INPP1: variants seen among roughly 807,000 people sequenced by gnomAD.
INPP1 encodes inositol polyphosphate-1-phosphatase.
INPP1 carries 18 observed loss-of-function variants against 23.0 expected under a neutral mutation model. That is an observed-to-expected ratio of 0.78 (90% confidence interval 0.54 to 1.16). INPP1 has a LOEUF of 1.16. Ranked by LOEUF, INPP1 falls within the 50% of genes most tolerant of loss-of-function variation. INPP1 has a pLI of 0.00. For missense variants in INPP1, 448 were observed against 482.1 expected, an observed-to-expected ratio of 0.93 and a Z score of 0.66; for synonymous variants, 164 against 176.3, an observed-to-expected ratio of 0.93 and a Z score of 0.55.
In INPP1 at chr2:190,371,427, G is replaced by A. The variant is rs1371253630; in HGVS notation, c.*25G>A. 50 of 1,489,322 alleles carry A rather than the reference G, an allele frequency of 3.4e-5. No individual in the cohort carries two copies. Among genetic ancestry groups the A allele is most frequent in the Non-Finnish European group, 4.4e-5 (49 of 1,115,832 alleles). The allele number at this position is 1,489,322 out of a possible 1,614,324, so 92.3% of individuals were successfully genotyped here. On this transcript the variant is annotated 3_prime_UTR_variant, in exon 7 of 7. Coordinates refer to ENST00000392329, the MANE Select transcript of INPP1 (RefSeq NM_001128928.2). This position sits in a 1 kb window ranked among gnomAD's most constrained non-coding sequence, Gnocchi z 5.3. ...GAGGAACTCTAACCCCGGTGTACCTGTATAAACTGAACTGTGAAACTGTTT... is the reference window on the plus strand; with the variant it reads ...GAGGAACTCTAACCCCGGTGTACCTATATAAACTGAACTGTGAAACTGTTT...
rs1170110361 is a variant in INPP1 at position 190,368,220 on chromosome 2, T to C, written c.467-883T>C. ...GAATTGATTCTGTTTTTGAGCTCTT[T>C]GAGTCTTTTGCCAGGCACATCCTTA... On this transcript the variant is annotated intron_variant, in intron 5 of 6. Coordinates refer to ENST00000392329, the MANE Select transcript of INPP1 (RefSeq NM_001128928.2). The surrounding 1 kb of genome is among the most constrained non-coding windows in gnomAD (Gnocchi z 4.3). 6.6e-6 allele frequency among the ~76,000 whole-genome samples: 1 copy of C among 152,226 alleles called. No individual in the cohort carries two copies. Among genetic ancestry groups the C allele is most frequent in the Non-Finnish European group, 1.5e-5 (1 of 68,048 alleles).
At chr2:190,350,336 G>A (rs1470035055) in intron 2 of INPP1, among the ~76,000 whole-genome samples, 2 of 152,182 alleles carry the variant, frequency 1.3e-5, no homozygotes, top group Non-Finnish European at 2.9e-5. Context: ...AGTGGAACAA[G>A]GCTCCCTGTT....
At position 190,343,682 on chromosome 2, in the gene INPP1, G is replaced by C. The variant is rs973234484; in HGVS notation, c.-488G>C. 4 of 152,190 alleles carry C rather than the reference G, an allele frequency of 2.6e-5. No homozygotes were observed. Among genetic ancestry groups the C allele is most frequent in the Admixed American group, 2.0e-4 (3 of 15,294 alleles). 9.4% of individuals were successfully genotyped at this position (152,190 alleles called of 1,614,324 possible). ...CGGCAGCGCGCGTTTCCACGCCGCG[G>C]TCCCGCGGGAAAGCCGGGGGCGGCG... is the stretch of plus-strand genomic sequence containing the variant. On this transcript the variant is annotated 5_prime_UTR_variant, in exon 1 of 7. Coordinates refer to ENST00000392329, the MANE Select transcript of INPP1 (RefSeq NM_001128928.2).
chr2:190,356,692 C>T lies in INPP1; in HGVS notation c.-64-3347C>T, dbSNP rs994291490. ...GGTTATTCAACAGTGTAGTTAGTAT[C>T]GTTTCTTTTAAGAAAAAAAATTGAT... On this transcript the variant is annotated intron_variant, in intron 2 of 6. Coordinates refer to ENST00000392329, the MANE Select transcript of INPP1 (RefSeq NM_001128928.2). The surrounding 1 kb of genome is among the most constrained non-coding windows in gnomAD (Gnocchi z 6.4). The T allele has an allele frequency of 3.3e-5, 5 of 151,950 alleles. No individual in the cohort carries two copies. Among genetic ancestry groups the T allele is most frequent in the Admixed American group, 6.6e-5 (1 of 15,248 alleles). 9.4% of individuals were successfully genotyped at this position (151,950 alleles called of 1,614,324 possible).
At position 190,355,678 on chromosome 2, in the gene INPP1, T is replaced by G. The variant is rs1031770931; in HGVS notation, c.-64-4361T>G. Among the ~76,000 whole-genome samples the G allele has an allele frequency of 2.0e-5, 3 of 152,230 alleles. No individual in the cohort carries two copies. The highest frequency in any genetic ancestry group is 7.2e-5 in the African/African-American group (3 of 41,464). On this transcript the variant is annotated intron_variant, in intron 2 of 6. Transcript: ENST00000392329. This position sits in a 1 kb window ranked among gnomAD's most constrained non-coding sequence, Gnocchi z 5.1. ...TCTTCTATAGTCAAGGCTATTAAATTATGGTAAATGCCATAACTTACTAAT... is the reference window on the plus strand; with the variant it reads ...TCTTCTATAGTCAAGGCTATTAAATGATGGTAAATGCCATAACTTACTAAT...
In INPP1 at chr2:190,371,569, ACATT is replaced by A; in HGVS notation, c.*171_*174del. ...ATAATAATGTTAATTTCAATAAATG[ACATT>A]CATGCAGCAATTATATTGGTGTATG... On this transcript the variant is annotated 3_prime_UTR_variant, in exon 7 of 7. Transcript: ENST00000392329. This position sits in a 1 kb window ranked among gnomAD's most constrained non-coding sequence, Gnocchi z 5.3. 2.1e-6 allele frequency: 1 copy of A among 483,672 alleles called. No individual in the cohort carries two copies. The allele number at this position is 483,672 out of a possible 1,614,324, so 30.0% of individuals were successfully genotyped here. A position where few individuals can be genotyped will look rare whatever the true frequency, so the allele number is the denominator to read the frequency against.
chr2:190,362,927 G>C (rs189557690), intron 4 of INPP1: 78 of 311,574 alleles, frequency 2.5e-4, no homozygotes, highest in Non-Finnish European at 4.0e-4. Context: ...ATAAATCTGT[G>C]GCATTTAAGT....
rs1689187754 is a variant in INPP1, at chr2:190,345,035, T to A, written c.-209+1074T>A. ...GCTAAGTGATCTCATTCTTACCTTT[T>A]AAAATAGAGAACATAAGGGAAAAAA... On this transcript the variant is annotated intron_variant, in intron 1 of 6. Transcript: ENST00000392329. The surrounding 1 kb of genome is among the most constrained non-coding windows in gnomAD (Gnocchi z 4.9). Among the ~76,000 whole-genome samples the A allele has an allele frequency of 6.6e-6, 1 of 152,234 alleles. No homozygotes were observed. The highest frequency in any genetic ancestry group is 1.5e-5 in the Non-Finnish European group (1 of 68,046).
At position 190,368,447 on chromosome 2, in the gene INPP1, AG is replaced by A. The variant is rs199544587; in HGVS notation, c.467-654del. Among the ~76,000 whole-genome samples the A allele has an allele frequency of 7.8e-3, 1,194 of 152,274 alleles. 18 individuals are homozygous for A. The highest frequency in any genetic ancestry group is 0.027 in the African/African-American group (1,112 of 41,538). On this transcript the variant is annotated intron_variant, in intron 5 of 6. Coordinates refer to ENST00000392329, the MANE Select transcript of INPP1 (RefSeq NM_001128928.2). The surrounding 1 kb of genome is among the most constrained non-coding windows in gnomAD (Gnocchi z 4.3). ...GATAATATTACCTGTGACCTATTAC[AG>A]GAGGGGGGCTTTTCTTTTTTTCTTT... is the stretch of plus-strand genomic sequence containing the variant.
intron 3 of INPP1, among the ~76,000 whole-genome samples, chr2:190,362,009 A>C (rs897661646): frequency 1.3e-5 from 2 of 152,204 alleles, no homozygotes. Context: ...GATCATACAG[A>C]GATGACAGAA....
Position 190,366,737 on chromosome 2 carries a change from C to G in INPP1, c.308C>G (p.Thr103Arg). The G allele has an allele frequency of 1.9e-6, 3 of 1,613,552 alleles. No homozygotes were observed. Among genetic ancestry groups the G allele is most frequent in the South Asian group, 1.1e-5 (1 of 91,068 alleles). ...TLRLCSTEEETAELLSKVLNG... is the reference protein window; with the variant it reads ...TLRLCSTEEERAELLSKVLNG... Reference sequence around the variant, plus strand: ...AGGTTGTGTTCAACAGAGGAGGAAACAGCAGAGCTTCTTAGCAAAGTCCTC... The same window carrying G: ...AGGTTGTGTTCAACAGAGGAGGAAAGAGCAGAGCTTCTTAGCAAAGTCCTC... Residue 103 changes from threonine to arginine, a missense_variant, in exon 5 of 7, where the codon ACA (threonine) becomes AGA (arginine). Physicochemically the swap from Thr to Arg is moderately conservative, Grantham distance 71 (BLOSUM62 -1). Coordinates refer to ENST00000392329, the MANE Select transcript of INPP1 (RefSeq NM_001128928.2).
intron 6 of INPP1, 113 bp downstream of exon 6, chr2:190,369,390 G>A (rs1284158104): frequency 1.9e-6 from 1 of 526,600 alleles, no homozygotes; most frequent in African/African-American, 1.9e-5. Context: ...ACATGGGAGT[G>A]TTGCCATTGA....
Position 190,354,699 on chromosome 2 carries a change from C to A in INPP1, c.-64-5340C>A, listed in dbSNP as rs1269296806. On this transcript the variant is annotated intron_variant, in intron 2 of 6. Coordinates refer to ENST00000392329, the MANE Select transcript of INPP1 (RefSeq NM_001128928.2). The surrounding 1 kb of genome is among the most constrained non-coding windows in gnomAD (Gnocchi z 4.8). ...CGATTTTATTGTTAAGCTACCCAGT[C>A]TTAACAAACTAACACCAGAAGAATT... Among the ~76,000 whole-genome samples the A allele has an allele frequency of 3.0e-4, 45 of 152,196 alleles. No homozygotes were observed. The highest frequency in any genetic ancestry group is 2.9e-3 in the Admixed American group (45 of 15,276).
chr2:190,366,574 G>C (rs1049948423), intron 4 of INPP1, 121 bp from the exon 5 acceptor site: 2 of 717,152 alleles, frequency 2.8e-6, no homozygotes, highest in Non-Finnish European at 4.8e-6. Context: ...TGTGTCTCTC[G>C]CTCTCTCTCT....
chr2:190,371,182 T>C lies in INPP1; in HGVS notation c.980T>C (p.Met327Thr), dbSNP rs752624961. The change falls in exon 7 of 7, where the codon ATG (methionine) becomes ACG (threonine). Residue 327 changes from methionine (M) to threonine (T), a missense_variant. By Grantham distance (81) the Met-to-Thr change is moderately conservative. Coordinates refer to ENST00000392329, the MANE Select transcript of INPP1 (RefSeq NM_001128928.2). This position sits in a 1 kb window ranked among gnomAD's most constrained non-coding sequence, Gnocchi z 5.3. ...GCTGCTCATGCCATACTGAGGGCCA[T>C]GGGTGGGGGAATAGTAGACTTGAAA... ...SCAAHAILRA[M>T]GGGIVDLKEC... 9 of 1,613,920 alleles carry C rather than the reference T, an allele frequency of 5.6e-6. No individual in the cohort carries two copies. Among genetic ancestry groups the C allele is most frequent in the African/African-American group, 1.3e-5 (1 of 74,890 alleles).
rs1689722276 is a variant in INPP1 at position 190,368,177 on chromosome 2, G to T, written c.467-926G>T. Among the ~76,000 whole-genome samples, 2 of 152,208 alleles carry T rather than the reference G, an allele frequency of 1.3e-5. No homozygotes were observed. The highest frequency in any genetic ancestry group is 2.9e-5 in the Non-Finnish European group (2 of 68,032). ...AGTTTCTGAGGGACAGAGATCTCCT[G>T]TTTCTTGGTTCCACCCTGAATTGAT... On this transcript the variant is annotated intron_variant, in intron 5 of 6. Coordinates refer to ENST00000392329, the MANE Select transcript of INPP1 (RefSeq NM_001128928.2). The surrounding 1 kb of genome is among the most constrained non-coding windows in gnomAD (Gnocchi z 4.3).
At chr2:190,366,596 T>G in intron 4 of INPP1, 99 bp from the exon 5 acceptor site, 2 of 858,628 alleles carry the variant, frequency 2.3e-6, no homozygotes. Flanking sequence ...TCTCTCTCTC[T>G]CGCTCTCTCT....
chr2:190,364,727 A>AT (rs1426875728), intron 4 of INPP1, among the ~76,000 whole-genome samples: 1 of 150,982 alleles, frequency 6.6e-6, no homozygotes, highest in African/African-American at 2.4e-5. Flanking sequence ...AGTAGCTGGG[A>AT]TTACAGACAT....
At chr2:190,347,232 C>T (rs1159132092) in intron 1 of INPP1, among the ~76,000 whole-genome samples, 1 of 151,828 alleles carries the variant, frequency 6.6e-6, no homozygotes, top group Admixed American at 6.6e-5. Context: ...AGGATGGTCT[C>T]GATCTCCTGA....
Sources: allele counts gnomAD v4.1 joint callset (sites outside exome capture counted in the v4.1 genomes callset), GRCh38; gene constraint gnomAD v4.1.1; non-coding constraint Gnocchi (gnomAD v3.1); transcripts MANE v1.5; gene names NCBI Gene and HGNC (gene_info 2026-07-23, HGNC 2026-07-21).